SPATA46: variants seen among roughly 807,000 people sequenced by gnomAD.
SPATA46 encodes spermatogenesis associated 46.
Under a neutral mutation model 6.2 loss-of-function variants are expected in SPATA46, and 3 were observed. That is an observed-to-expected ratio of 0.48 (90% CI 0.22 to 1.25). The LOEUF is 1.25. Among genes scored for constraint, SPATA46 ranks in the 50% most tolerant of loss-of-function variants. SPATA46 has a pLI of 0.20. For synonymous variants in SPATA46, 117 were observed against 123.3 expected (o/e 0.95, Z 0.34); for missense variants, 308 against 323.5 (o/e 0.95, Z 0.37).
chr1:162,375,788 C>T (rs1401097684), intron 1 of SPATA46, among the ~76,000 whole-genome samples: 1 of 152,144 alleles, frequency 6.6e-6, no homozygotes, highest in South Asian at 2.1e-4. Context: ...GTTCCATGCC[C>T]GCTTTGAGGA....
chr1:162,376,808 G>A lies in SPATA46; in HGVS notation c.-18C>T, dbSNP rs199989510. On this transcript the variant is annotated 5_prime_UTR_variant, in exon 1 of 3. Transcript: ENST00000367935. ...TTCTCCATATTCTGACCACTGCGGG[G>A]GTACAGAGATCACACGCCTGCTCTG... The A allele has an allele frequency of 1.6e-4, 254 of 1,612,792 alleles. 1 individual carries two copies. In the African/African-American group the frequency reaches 3.0e-3, roughly 19 times the overall value.
Position 162,374,140 on chromosome 1 carries a change from C to T in SPATA46, c.694G>A (p.Gly232Arg), listed in dbSNP as rs1647530429. Reference sequence around the variant, plus strand: ...CAGCTGCCGGAGGAGAGCCTGTCTCCCAGCCGGGCCTTCTGCTCCTTGCTC... The same window carrying T: ...CAGCTGCCGGAGGAGAGCCTGTCTCTCAGCCGGGCCTTCTGCTCCTTGCTC... ...LWSKEQKARL[G>R]DRLSSGSCQA... The change falls in exon 3 of 3, where the codon GGA (glycine) becomes AGA (arginine). Residue 232 changes from glycine (G) to arginine (R), a missense_variant. Physicochemically the swap from Gly to Arg is moderately radical, Grantham distance 125 (BLOSUM62 -2). Coordinates refer to ENST00000367935, the MANE Select transcript of SPATA46 (RefSeq NM_182581.4). The T allele has an allele frequency of 1.2e-6, 2 of 1,614,244 alleles. No homozygotes were observed. The highest frequency in any genetic ancestry group is 1.7e-6 in the Non-Finnish European group (2 of 1,180,042).
At position 162,373,798 on chromosome 1, in the gene SPATA46, G is replaced by T; in HGVS notation, c.*250C>A. The T allele has an allele frequency of 2.3e-6, 1 of 431,638 alleles. No homozygotes were observed. Among genetic ancestry groups the T allele is most frequent in the Non-Finnish European group, 4.1e-6 (1 of 242,560 alleles). The allele number at this position is 431,638 out of a possible 1,614,324, so 26.7% of individuals were successfully genotyped here. On this transcript the variant is annotated 3_prime_UTR_variant, in exon 3 of 3. Coordinates refer to ENST00000367935, the MANE Select transcript of SPATA46 (RefSeq NM_182581.4). ...TTCTGATTCAGTAGGTCTGAGGAGG[G>T]CCTGAGAGTTCCCAGGGGTTGCTGG...
At chr1:162,375,210 C>A in intron 2 of SPATA46, 80 bp downstream of exon 2, 1 of 1,265,162 alleles carries the variant, frequency 7.9e-7, no homozygotes, top group Non-Finnish European at 1.1e-6. Flanking sequence ...CTTCCAGACA[C>A]CTCTGCTTCC....
intron 1 of SPATA46, 36 bp downstream of exon 1, chr1:162,376,652 C>CA: frequency 6.4e-7 from 1 of 1,574,088 alleles, no homozygotes; most frequent in South Asian, 1.1e-5. Flanking sequence ...TCAAAAAAAA[C>CA]CACATCTTTG....
Position 162,373,878 on chromosome 1 carries a change from T to C in SPATA46, c.*170A>G. The C allele has an allele frequency of 1.4e-6, 1 of 738,346 alleles. No individual in the cohort carries two copies. 45.7% of individuals were successfully genotyped at this position (738,346 alleles called of 1,614,324 possible). On this transcript the variant is annotated 3_prime_UTR_variant, in exon 3 of 3. Transcript: ENST00000367935. ...CTATCTTAGATGATTTTCCCAAACT[T>C]CAAGTATTGTCTTTATTTTTAAAAG...
chr1:162,374,707 C>G (rs918981660), intron 2 of SPATA46, 91 bp from the exon 3 acceptor site: 92 of 1,357,626 alleles, frequency 6.8e-5, no homozygotes, highest in South Asian at 1.7e-4. Context: ...AAACATCAGG[C>G]ATGACCTCGG....
At position 162,374,390 on chromosome 1, in the gene SPATA46, A is replaced by G; in HGVS notation, c.444T>C (p.Thr148=). 1 of 1,614,190 alleles carries G rather than the reference A, an allele frequency of 6.2e-7. No individual in the cohort carries two copies. The highest frequency in any genetic ancestry group is 1.1e-5 in the South Asian group (1 of 91,082). ...ICSSSSSPEN[T]CPREATKKSR... Reference sequence around the variant, plus strand: ...ATTTCTTGGTGGCTTCTCGAGGGCAAGTGTTCTCTGGGGAGGAAGAGGACG... The same window carrying G: ...ATTTCTTGGTGGCTTCTCGAGGGCAGGTGTTCTCTGGGGAGGAAGAGGACG... Residue 148 remains threonine (T), a synonymous_variant, in exon 3 of 3, where the codon ACT becomes ACC. Coordinates refer to ENST00000367935, the MANE Select transcript of SPATA46 (RefSeq NM_182581.4).
Position 162,374,168 on chromosome 1 carries a change from G to A in SPATA46, c.666C>T (p.Leu222=). The change falls in exon 3 of 3, where the codon CTC becomes CTT. Residue 222 remains leucine (L), a synonymous_variant. Transcript: ENST00000367935. ...CKVYYRKLKA[L]WSKEQKARLG... Reference sequence around the variant, plus strand: ...GCCGGGCCTTCTGCTCCTTGCTCCAGAGGGCTTTGAGCTTGCGGTAGTACA... The same window carrying A: ...GCCGGGCCTTCTGCTCCTTGCTCCAAAGGGCTTTGAGCTTGCGGTAGTACA... 1 of 1,614,252 alleles carries A rather than the reference G, an allele frequency of 6.2e-7. No individual in the cohort carries two copies. Among genetic ancestry groups the A allele is most frequent in the Non-Finnish European group, 8.5e-7 (1 of 1,180,044 alleles).
intron 1 of SPATA46, 32 bp from the exon 2 acceptor site, chr1:162,375,435 G>A: frequency 6.3e-7 from 1 of 1,588,730 alleles, no homozygotes; most frequent in Non-Finnish European, 8.6e-7. Context: ...GGTGAGCTGA[G>A]CAAGGTTGGG....
intron 2 of SPATA46, 101 bp from the exon 3 acceptor site, chr1:162,374,717 G>C: frequency 8.1e-7 from 1 of 1,233,890 alleles, no homozygotes; most frequent in Non-Finnish European, 1.1e-6. Context: ...CATGACCTCG[G>C]TTACCTCCAC....
chr1:162,374,405 G>A lies in SPATA46; in HGVS notation c.429C>T (p.Ser143=). ...DMAENICSSS[S]SPENTCPREA... ...CTCGAGGGCAAGTGTTCTCTGGGGAGGAAGAGGACGAACAGATGTTCTCAG... is the reference window on the plus strand; with the variant it reads ...CTCGAGGGCAAGTGTTCTCTGGGGAAGAAGAGGACGAACAGATGTTCTCAG... The change falls in exon 3 of 3, where the codon TCC becomes TCT. Residue 143 remains serine, a synonymous_variant. Coordinates refer to ENST00000367935, the MANE Select transcript of SPATA46 (RefSeq NM_182581.4). 3.1e-6 allele frequency: 5 copies of A among 1,614,248 alleles called. No individual in the cohort carries two copies. Among genetic ancestry groups the A allele is most frequent in the Non-Finnish European group, 4.2e-6 (5 of 1,180,046 alleles).
At chr1:162,375,942 A>G (rs188487149) in intron 1 of SPATA46, among the ~76,000 whole-genome samples, 33 of 152,268 alleles carry the variant, frequency 2.2e-4, no homozygotes, top group African/African-American at 7.2e-4. Context: ...TTGGGGGACA[A>G]ATTTATAAAT....
intron 2 of SPATA46, 87 bp from the exon 3 acceptor site, chr1:162,374,703 C>T: frequency 1.5e-6 from 2 of 1,373,068 alleles, no homozygotes; most frequent in Non-Finnish European, 9.9e-7. Flanking sequence ...AGGCAAACAT[C>T]AGGCATGACC....
chr1:162,375,272 AG>A lies in SPATA46; in HGVS notation c.217+17del, dbSNP rs1271344966. ...TAGCCTCTCACACATTCCCGCCCAG[AG>A]TCAGAGAAGTCCTCACCTGGTGAGA... On this transcript the variant is annotated intron_variant, in intron 2 of 2. Coordinates refer to ENST00000367935, the MANE Select transcript of SPATA46 (RefSeq NM_182581.4). 1 of 1,586,822 alleles carries A rather than the reference AG, an allele frequency of 6.3e-7. No individual in the cohort carries two copies. Among genetic ancestry groups the A allele is most frequent in the Non-Finnish European group, 8.7e-7 (1 of 1,155,286 alleles).
rs776895414 is a variant in SPATA46 at position 162,374,374 on chromosome 1, T to A, written c.460A>T (p.Thr154Ser). The change falls in exon 3 of 3, where the codon ACC becomes TCC. Residue 154 changes from threonine to serine, a missense_variant. Transcript: ENST00000367935. ...TCCAGGCCATGCCTGGATTTCTTGG[T>A]GGCTTCTCGAGGGCAAGTGTTCTCT... ...SPENTCPREA[T>S]KKSRHGLDSI... The A allele has an allele frequency of 1.9e-6, 3 of 1,614,054 alleles. No individual in the cohort carries two copies. The Admixed American group carries it at 5.0e-5, about 27-fold the overall frequency.
At chr1:162,374,870 C>G (rs986009509) in intron 2 of SPATA46, among the ~76,000 whole-genome samples, 4 of 152,150 alleles carry the variant, frequency 2.6e-5, no homozygotes, top group East Asian at 1.9e-4. Flanking sequence ...AGTTGGTAAG[C>G]CTTGGTATTT....
chr1:162,376,482 G>A (rs1571259656), intron 1 of SPATA46: 2 of 420,930 alleles, frequency 4.8e-6, no homozygotes, highest in African/African-American at 2.1e-5. Context: ...AAAAAAAAAA[G>A]TTTTCCCCTT....
intron 1 of SPATA46, among the ~76,000 whole-genome samples, chr1:162,376,309 G>A (rs973464277): frequency 5.3e-5 from 8 of 152,014 alleles, no homozygotes; most frequent in Non-Finnish European, 1.0e-4. Context: ...TAGACATACT[G>A]CCACCTTGAG....
Sources: gnomAD v4.1 joint callset for allele counts (sites outside exome capture counted in the v4.1 genomes callset) on GRCh38, gnomAD v4.1.1 for gene constraint, MANE v1.5 for transcripts, NCBI Gene and HGNC (gene_info 2026-07-23, HGNC 2026-07-21) for gene names.